Variants in DOK6 observed in about 807,000 individuals in gnomAD.
DOK6 encodes the protein docking protein 6.
A neutral mutation model predicts 44.0 loss-of-function variants in DOK6; 22 were observed. The ratio of observed to expected loss-of-function variants is 0.50; its 90% CI spans 0.36 to 0.71. The LOEUF (loss-of-function observed/expected upper bound fraction) is 0.71, where lower values mean the gene tolerates loss of function less well. DOK6 is among the 30% of genes least tolerant of loss of function. DOK6 has a pLI of 0.00. For missense variants in DOK6, 340 were observed against 416.4 expected, an observed-to-expected ratio of 0.82 and a Z score of 1.60; for synonymous variants, 166 against 145.5, an observed-to-expected ratio of 1.14 and a Z score of -1.01.
chr18:69,649,156 A>C (rs1407990049), intron 3 of DOK6, among the ~76,000 whole-genome samples: 1 of 152,202 alleles, frequency 6.6e-6, no homozygotes, highest in Non-Finnish European at 1.5e-5. Context: ...GGAAAGGGAC[A>C]CTAGTATTTT....
intron 7 of DOK6, among the ~76,000 whole-genome samples, chr18:69,809,206 A>G (rs1022268829): frequency 6.6e-6 from 1 of 151,800 alleles, no homozygotes; most frequent in African/African-American, 2.4e-5. Flanking sequence ...CAAAAATTAT[A>G]TAATCATCTC....
chr18:69,840,701 A>G (rs1196931519), intron 7 of DOK6, among the ~76,000 whole-genome samples: 2 of 152,228 alleles, frequency 1.3e-5, no homozygotes, highest in East Asian at 3.9e-4. Context: ...GGTGACTCAC[A>G]CACCGGCTAG....
chr18:69,517,672 T>C (rs1016216058), intron 1 of DOK6, among the ~76,000 whole-genome samples: 1 of 152,154 alleles, frequency 6.6e-6, no homozygotes, highest in Non-Finnish European at 1.5e-5. Flanking sequence ...GGCACTTCAT[T>C]TGAGATGCCT....
intron 7 of DOK6, among the ~76,000 whole-genome samples, chr18:69,772,064 G>A (rs186697536): frequency 4.0e-5 from 6 of 151,164 alleles, no homozygotes; most frequent in East Asian, 3.9e-4. Context: ...CCAGATACTC[G>A]GGAGGCTGAG....
chr18:69,804,312 T>C (rs1205403275), intron 7 of DOK6, among the ~76,000 whole-genome samples: 1 of 152,168 alleles, frequency 6.6e-6, no homozygotes, highest in Non-Finnish European at 1.5e-5. Context: ...TCTAAGAAGG[T>C]CAGTTGCTCA....
intron 1 of DOK6, among the ~76,000 whole-genome samples, chr18:69,556,093 C>A (rs939206247): frequency 9.9e-5 from 15 of 152,148 alleles, no homozygotes; most frequent in Admixed American, 8.5e-4. Flanking sequence ...ACATCAGTTT[C>A]TTTTTGTTAA....
chr18:69,819,906 TACACTA>T (rs1463586824), intron 7 of DOK6, among the ~76,000 whole-genome samples: 1 of 152,212 alleles, frequency 6.6e-6, no homozygotes. Context: ...ACACATAAAA[TACACTA>T]ACACTAACGA....
chr18:69,715,232 TTTTAGAATTAAGTGAGATGACACTTAA>T lies in DOK6; in HGVS notation c.599+16655_599+16681del, dbSNP rs1276890913. 2.5e-4 allele frequency among the ~76,000 whole-genome samples: 38 copies of T among 152,146 alleles called. 2 individuals are homozygous for T. Among genetic ancestry groups the T allele is most frequent in the Non-Finnish European group, 1.5e-5 (1 of 68,024 alleles). On this transcript the variant is annotated intron_variant, in intron 5 of 7. Coordinates refer to ENST00000382713, the MANE Select transcript of DOK6 (RefSeq NM_152721.6). Reference sequence around the variant, plus strand: ...AATTTTGCCCAGGCCACGCAGTTGTTTTTAGAATTAAGTGAGATGACACTTAATTTAGAATTAAGTGATGATGACGTC... The same window carrying T: ...AATTTTGCCCAGGCCACGCAGTTGTTTTTAGAATTAAGTGATGATGACGTC...
intron 3 of DOK6, among the ~76,000 whole-genome samples, chr18:69,622,965 GAT>G (rs1984476968): frequency 6.6e-6 from 1 of 152,170 alleles, no homozygotes; most frequent in African/African-American, 2.4e-5. Context: ...ATTTCCATGT[GAT>G]ATGGTTTGGC....
At chr18:69,446,212 C>A (rs1979286093) in intron 1 of DOK6, among the ~76,000 whole-genome samples, 1 of 118,780 alleles carries the variant, frequency 8.4e-6, no homozygotes, top group East Asian at 3.2e-4. Context: ...CCCCCTCCCC[C>A]CACCCCACGA....
chr18:69,807,651 T>C (rs1391294717), intron 7 of DOK6, among the ~76,000 whole-genome samples: 4 of 151,886 alleles, frequency 2.6e-5, no homozygotes, highest in Admixed American at 2.0e-4. Flanking sequence ...GCTATACATG[T>C]ATCATATAAA....
intron 7 of DOK6, among the ~76,000 whole-genome samples, chr18:69,782,120 G>A (rs1015080681): frequency 6.6e-6 from 1 of 151,884 alleles, no homozygotes; most frequent in Non-Finnish European, 1.5e-5. Flanking sequence ...CAGAAAGAGT[G>A]GATGTTTTGA....
intron 2 of DOK6, among the ~76,000 whole-genome samples, chr18:69,585,586 G>T (rs1000070542): frequency 6.6e-6 from 1 of 152,024 alleles, no homozygotes; most frequent in Non-Finnish European, 1.5e-5. Context: ...CTTCCTTGTC[G>T]GATAATTTTG....
chr18:69,637,079 C>T (rs1984826996), intron 3 of DOK6, among the ~76,000 whole-genome samples: 1 of 152,202 alleles, frequency 6.6e-6, no homozygotes, highest in South Asian at 2.1e-4. Flanking sequence ...GGTCATTACC[C>T]AGAGCAGTCA....
At chr18:69,828,884 G>GTGTGTGTATATATATATATA (rs1555673465) in intron 7 of DOK6, among the ~76,000 whole-genome samples, 1 of 90,172 alleles carries the variant, frequency 1.1e-5, no homozygotes, top group African/African-American at 3.1e-5. Flanking sequence ...ACATTTATGT[G>GTGTGTGTATATATATATATA]TATATATATA....
intron 1 of DOK6, among the ~76,000 whole-genome samples, chr18:69,466,760 A>C (rs1365433620): frequency 6.6e-6 from 1 of 152,052 alleles, no homozygotes; most frequent in Non-Finnish European, 1.5e-5. Flanking sequence ...CTCAAGGGAA[A>C]AAAAAGTAGG....
chr18:69,566,431 C>A (rs570189952), intron 2 of DOK6, among the ~76,000 whole-genome samples: 5 of 152,168 alleles, frequency 3.3e-5, no homozygotes, highest in Non-Finnish European at 7.3e-5. Flanking sequence ...CCACCGCACC[C>A]GGCCCAGTTT....
At chr18:69,519,786 T>C (rs1421116486) in intron 1 of DOK6, among the ~76,000 whole-genome samples, 4 of 151,876 alleles carry the variant, frequency 2.6e-5, no homozygotes, top group Admixed American at 2.0e-4. Flanking sequence ...AAGTCACATA[T>C]GAAATATGGC....
chr18:69,681,821 G>A (rs939470792), intron 4 of DOK6, among the ~76,000 whole-genome samples: 3 of 152,188 alleles, frequency 2.0e-5, no homozygotes, highest in African/African-American at 4.8e-5. Context: ...AGTGAACGTC[G>A]TAACCAAGAA....
Sources: gnomAD v4.1 joint callset for allele counts (sites outside exome capture counted in the v4.1 genomes callset) on GRCh38, gnomAD v4.1.1 for gene constraint, MANE v1.5 for transcripts, NCBI Gene and HGNC (gene_info 2026-07-23, HGNC 2026-07-21) for gene names.